ZNF792: variants seen among roughly 807,000 people sequenced by gnomAD.
ZNF792 encodes the protein zinc finger protein 792.
A neutral mutation model predicts 13.1 loss-of-function variants in ZNF792; 14 were observed. The ratio of observed to expected loss-of-function variants is 1.07; its 90% CI spans 0.71 to 1.67. The LOEUF (loss-of-function observed/expected upper bound fraction) is 1.67, where lower values mean the gene tolerates loss of function less well. ZNF792 is among the 40% of genes most tolerant of loss of function. The pLI, the probability that ZNF792 is intolerant of heterozygous loss-of-function variation, is 0.00. For missense variants in ZNF792, 740 were observed against 807.9 expected, an observed-to-expected ratio of 0.92 and a Z score of 1.02; for synonymous variants, 257 against 292.0, an observed-to-expected ratio of 0.88 and a Z score of 1.22.
intron 1 of ZNF792, among the ~76,000 whole-genome samples, chr19:34,961,224 C>G (rs1310579314): frequency 6.6e-6 from 1 of 152,114 alleles, no homozygotes; most frequent in Non-Finnish European, 1.5e-5. Flanking sequence ...CGCTCTTCTG[C>G]CAGCCTCTTC....
chr19:34,960,124 GT>G lies in ZNF792; in HGVS notation c.283+110del, dbSNP rs2013504042. 8 of 1,457,608 alleles carry G rather than the reference GT, an allele frequency of 5.5e-6. 1 individual carries two copies. In the East Asian group the frequency reaches 1.6e-4, roughly 30 times the overall value. 90.3% of individuals were successfully genotyped at this position (1,457,608 alleles called of 1,614,324 possible). On this transcript the variant is annotated intron_variant, in intron 3 of 3. Coordinates refer to ENST00000404801, the MANE Select transcript of ZNF792 (RefSeq NM_175872.5). ...ACGGGGAAGGAAAAGCAGAGACGTG[GT>G]CTGGCTACTGGCATTGGTATCAAAT...
At chr19:34,960,454 C>T (rs751914174) in intron 2 of ZNF792, 97 bp from the exon 3 acceptor site, 13 of 1,481,626 alleles carry the variant, frequency 8.8e-6, no homozygotes, top group African/African-American at 1.4e-5. Context: ...GACACAGGGA[C>T]ATTGGGTGGT....
At chr19:34,960,556 C>T in intron 2 of ZNF792, 199 bp from the exon 3 acceptor site, 1 of 753,392 alleles carries the variant, frequency 1.3e-6, no homozygotes, top group Non-Finnish European at 2.1e-6. Flanking sequence ...GAATCTAAAC[C>T]ACAGAACTGT....
At position 34,960,989 on chromosome 19, in the gene ZNF792, G is replaced by A. The variant is rs769663763; in HGVS notation, c.39C>T (p.Cys13=). 25 of 1,612,716 alleles carry A rather than the reference G, an allele frequency of 1.6e-5. No homozygotes were observed. Among genetic ancestry groups the A allele is most frequent in the South Asian group, 8.8e-5 (8 of 90,966 alleles). The change falls in exon 2 of 4, where the codon TGC becomes TGT. Residue 13 remains cysteine, a synonymous_variant. Coordinates refer to ENST00000404801, the MANE Select transcript of ZNF792 (RefSeq NM_175872.5). ...AAATGGTCACGTCCTCAAAGGTCAC[G>A]CAGCCCTGCCATGATGGGGACAGTT... ...AAALRDPAQG[C]VTFEDVTIYF... is the part of the protein sequence containing the mutation.
rs2013472290 is a variant in ZNF792, at chr19:34,958,544, G to A, written c.1311C>T (p.Leu437=). The A allele has an allele frequency of 6.3e-7, 1 of 1,597,740 alleles. No homozygotes were observed. Among genetic ancestry groups the A allele is most frequent in the Non-Finnish European group, 8.5e-7 (1 of 1,171,058 alleles). Residue 437 remains leucine (L), a synonymous_variant, in exon 4 of 4, where the codon CTC becomes CTT. Coordinates refer to ENST00000404801, the MANE Select transcript of ZNF792 (RefSeq NM_175872.5). ...CGKFFSHIAS[L]IQHQIVHTGE... is the part of the protein sequence containing the mutation. Reference sequence around the variant, plus strand: ...CAGTGTGAACTATCTGATGTTGAATGAGGCTGGCAATGTGGCTGAAGAATT... The same window carrying A: ...CAGTGTGAACTATCTGATGTTGAATAAGGCTGGCAATGTGGCTGAAGAATT...
rs373293106 is a variant in ZNF792 at position 34,961,708 on chromosome 19, C to A, written c.34-714G>T. 4.6e-5 allele frequency among the ~76,000 whole-genome samples: 7 copies of A among 152,224 alleles called. 1 individual carries two copies. Among genetic ancestry groups the A allele is most frequent in the African/African-American group, 1.4e-4 (6 of 41,530 alleles). On this transcript the variant is annotated intron_variant, in intron 1 of 3. Coordinates refer to ENST00000404801, the MANE Select transcript of ZNF792 (RefSeq NM_175872.5). ...CACATTCTGACCCTGTCATCACTCACACTCATTTAAAAAAGAAAAAAAAAG... is the reference window on the plus strand; with the variant it reads ...CACATTCTGACCCTGTCATCACTCAAACTCATTTAAAAAAGAAAAAAAAAG...
chr19:34,960,138 A>G, intron 3 of ZNF792, 97 bp downstream of exon 3: 1 of 1,522,482 alleles, frequency 6.6e-7, no homozygotes, highest in Non-Finnish European at 9.0e-7. Context: ...GGCTACTGGC[A>G]TTGGTATCAA....
Position 34,958,631 on chromosome 19 carries a change from G to A in ZNF792, c.1224C>T (p.Ser408=), listed in dbSNP as rs1158212992. 2 of 1,613,700 alleles carry A rather than the reference G, an allele frequency of 1.2e-6. No individual in the cohort carries two copies. The highest frequency in any genetic ancestry group is 2.2e-5 in the East Asian group (1 of 44,884). Residue 408 remains serine (S), a synonymous_variant, in exon 4 of 4, where the codon AGC becomes AGT. Transcript: ENST00000404801. ...ECGKSFNCNS[S]LIKHWRVHTG... is the part of the protein sequence containing the mutation. ...TGTGAACTCTCCAATGTTTAATTAG[G>A]CTGGAGTTGCAGTTGAAAGATTTCC...
rs139833940 is a variant in ZNF792, at chr19:34,959,478, A to G, written c.377T>C (p.Leu126Pro). The stretch of plus-strand genomic sequence containing the variant: ...ACAGGGGCAGGTCTTCTGGGGGCAC[A>G]GAGTTGCCTCGGGACTCCTGTCCTG... ...VAQDRSPEAT[L>P]CPQKTCPCDI... The change falls in exon 4 of 4, where the codon CTG (leucine) becomes CCG (proline). Residue 126 changes from leucine to proline, a missense_variant. Physicochemically the swap from Leu to Pro is moderately conservative, Grantham distance 98. Coordinates refer to ENST00000404801, the MANE Select transcript of ZNF792 (RefSeq NM_175872.5). The G allele has an allele frequency of 1.9e-6, 3 of 1,613,058 alleles. No homozygotes were observed. Among genetic ancestry groups the G allele is most frequent in the African/African-American group, 2.7e-5 (2 of 74,936 alleles).
Position 34,962,658 on chromosome 19 carries a change from G to A in ZNF792, c.33+972C>T, listed in dbSNP as rs533089455. ...ATGGGTTGTTTATTGTAGATAAGGG[G>A]GTTGGTTTCCTGGGCAGGTTCTGGG... On this transcript the variant is annotated intron_variant, in intron 1 of 3. Coordinates refer to ENST00000404801, the MANE Select transcript of ZNF792 (RefSeq NM_175872.5). Among the ~76,000 whole-genome samples, 8 of 152,182 alleles carry A rather than the reference G, an allele frequency of 5.3e-5. No homozygotes were observed. In the East Asian group the frequency reaches 1.5e-3, roughly 29 times the overall value.
At position 34,957,200 on chromosome 19, in the gene ZNF792, A is replaced by C. The variant is rs2013444392; in HGVS notation, c.*756T>G. 6.6e-6 allele frequency: 1 copy of C among 152,178 alleles called. No individual in the cohort carries two copies. The highest frequency in any genetic ancestry group is 6.5e-5 in the Admixed American group (1 of 15,270). 9.4% of individuals were successfully genotyped at this position (152,178 alleles called of 1,614,324 possible). On this transcript the variant is annotated 3_prime_UTR_variant, in exon 4 of 4. Coordinates refer to ENST00000404801, the MANE Select transcript of ZNF792 (RefSeq NM_175872.5). ...ATGGGGCACCCCCTGGGAATAAGGG[A>C]CCCAATTCATGCTGTTCCCACATGC...
At position 34,956,579 on chromosome 19, in the gene ZNF792, T is replaced by C. The variant is rs374482924; in HGVS notation, c.*1377A>G. The C allele has an allele frequency of 6.6e-6, 1 of 152,224 alleles. No individual in the cohort carries two copies. Among genetic ancestry groups the C allele is most frequent in the East Asian group, 1.9e-4 (1 of 5,204 alleles). The allele number at this position is 152,224 out of a possible 1,614,324, so 9.4% of individuals were successfully genotyped here. On this transcript the variant is annotated 3_prime_UTR_variant, in exon 4 of 4. Coordinates refer to ENST00000404801, the MANE Select transcript of ZNF792 (RefSeq NM_175872.5). ...AAAACTTACCAAATATGAATAATTA[T>C]TGCATGACAATCACATATCAACAAA...
chr19:34,960,454 C>G (rs751914174), intron 2 of ZNF792, 97 bp from the exon 3 acceptor site: 3 of 1,481,626 alleles, frequency 2.0e-6, no homozygotes, highest in African/African-American at 1.4e-5. Flanking sequence ...GACACAGGGA[C>G]ATTGGGTGGT....
At chr19:34,963,152 T>G (rs975165131) in intron 1 of ZNF792, among the ~76,000 whole-genome samples, 1 of 152,122 alleles carries the variant, frequency 6.6e-6, no homozygotes, top group African/African-American at 2.4e-5. Flanking sequence ...AGGGAGCCTG[T>G]TAAGACCTGA....
rs144347995 is a variant in ZNF792 at position 34,962,133 on chromosome 19, C to G, written c.34-1139G>C. Among the ~76,000 whole-genome samples the G allele has an allele frequency of 2.2e-4, 34 of 152,264 alleles. No homozygotes were observed. In the East Asian group the frequency reaches 6.4e-3, roughly 28 times the overall value. ...AGCCCCACCTTCCTCTTTTTTTTAA[C>G]ATCATTGTCACCATGACCTGAAGTT... On this transcript the variant is annotated intron_variant, in intron 1 of 3. Coordinates refer to ENST00000404801, the MANE Select transcript of ZNF792 (RefSeq NM_175872.5).
intron 1 of ZNF792, among the ~76,000 whole-genome samples, chr19:34,961,574 A>T (rs1343305058): frequency 6.6e-6 from 1 of 152,074 alleles, no homozygotes; most frequent in Non-Finnish European, 1.5e-5. Flanking sequence ...TAAGGGGGAG[A>T]GGGAGCGCTC....
chr19:34,963,632 G>T lies in ZNF792; in HGVS notation c.31C>A (p.Gln11Lys). The T allele has an allele frequency of 1.9e-6, 3 of 1,603,328 alleles. No individual in the cohort carries two copies. Among genetic ancestry groups the T allele is most frequent in the Non-Finnish European group, 2.6e-6 (3 of 1,175,886 alleles). MAAAALRDPA[Q>K]GCVTFEDVTI... ...GGGCCTAACGTCCAAGCACTCACCT[G>T]CGCGGGGTCCCGCAGCGCCGCCGCT... Residue 11 changes from glutamine (Q) to lysine (K), a missense_variant and splice_region_variant, in exon 1 of 4, where the codon CAG becomes AAG. Transcript: ENST00000404801.
chr19:34,963,640 T>C lies in ZNF792; in HGVS notation c.23A>G (p.Asp8Gly), dbSNP rs771317850. The C allele has an allele frequency of 1.4e-5, 23 of 1,598,176 alleles. No individual in the cohort carries two copies. Among genetic ancestry groups the C allele is most frequent in the Non-Finnish European group, 1.9e-5 (22 of 1,174,894 alleles). Reference sequence around the variant, plus strand: ...CGTCCAAGCACTCACCTGCGCGGGGTCCCGCAGCGCCGCCGCTGCCATCGG... The same window carrying C: ...CGTCCAAGCACTCACCTGCGCGGGGCCCCGCAGCGCCGCCGCTGCCATCGG... MAAAALR[D>G]PAQGCVTFED... The change falls in exon 1 of 4, where the codon GAC (aspartate) becomes GGC (glycine). Residue 8 changes from aspartate to glycine, a missense_variant. By Grantham distance (94) the Asp-to-Gly change is moderately conservative (BLOSUM62 -1). Transcript: ENST00000404801.
chr19:34,960,307 C>T lies in ZNF792; in HGVS notation c.211G>A (p.Glu71Lys). The T allele has an allele frequency of 6.2e-7, 1 of 1,613,830 alleles. No homozygotes were observed. ...TCCACACTGTCAGGCACCCAGGGCT[C>T]TTTCCCCATCTCCAACTGGGAAACG... ...HIVSQLEMGKEPWVPDSVDMT... is the reference protein window; with the variant it reads ...HIVSQLEMGKKPWVPDSVDMT... The change falls in exon 3 of 4, where the codon GAG becomes AAG. Residue 71 changes from glutamate to lysine, a missense_variant. Physicochemically the swap from Glu to Lys is moderately conservative, Grantham distance 56. Transcript: ENST00000404801.
Sources: allele counts gnomAD v4.1 joint callset (sites outside exome capture counted in the v4.1 genomes callset), GRCh38; gene constraint gnomAD v4.1.1; transcripts MANE v1.5; gene names NCBI Gene and HGNC (gene_info 2026-07-23, HGNC 2026-07-21).